Variants in INF2 observed in about 807,000 individuals in gnomAD.
INF2 encodes inverted formin 2.
Under a neutral mutation model 123.5 loss-of-function variants are expected in INF2, and 43 were observed. That is an observed-to-expected ratio of 0.35 (90% confidence interval 0.27 to 0.45). The LOEUF is 0.45. Among genes scored for constraint, INF2 ranks in the 20% least tolerant of loss-of-function variants. The pLI is 1.00. For missense variants in INF2, 1,453 were observed against 1,682.7 expected (o/e 0.86, Z 2.39); for synonymous variants, 851 against 745.0 (o/e 1.14, Z -2.32).
At chr14:104,696,780 G>A (rs1595157582) in intron 1 of INF2, among the ~76,000 whole-genome samples, 1 of 152,124 alleles carries the variant, frequency 6.6e-6, no homozygotes, top group Non-Finnish European at 1.5e-5. Flanking sequence ...TCCTAGTTCC[G>A]GAATCCTCTC....
upstream of INF2, among the ~76,000 whole-genome samples, chr14:104,685,468 T>G (rs4983528): frequency 0.59 from 90,277 of 151,860 alleles, 27,199 homozygotes; most frequent in East Asian, 0.78. Context: ...GCAGGGATGT[T>G]GGAGGAAGGA....
chr14:104,714,923 C>T, intron 21 of INF2, 67 bp downstream of exon 21: 3 of 1,433,960 alleles, frequency 2.1e-6, no homozygotes, highest in African/African-American at 1.4e-5. Context: ...GGTCCCTCCC[C>T]TTCCCCATTG....
upstream of INF2, among the ~76,000 whole-genome samples, chr14:104,686,122 T>G (rs1265698614): frequency 7.2e-6 from 1 of 138,946 alleles, no homozygotes; most frequent in Non-Finnish European, 1.6e-5. Flanking sequence ...GATGAGTGGA[T>G]GATGGGTAGG....
rs73347510 is a variant in INF2, at chr14:104,713,370, C to T, written c.2878+61C>T. On this transcript the variant is annotated intron_variant, in intron 19 of 22. Coordinates refer to ENST00000392634, the MANE Select transcript of INF2 (RefSeq NM_022489.4). Reference sequence around the variant, plus strand: ...TCTGGGATCCTTGTCTGTGCTCCAGCCTCCCCACCACCCCCAGCCCTCTAG... The same window carrying T: ...TCTGGGATCCTTGTCTGTGCTCCAGTCTCCCCACCACCCCCAGCCCTCTAG... 9.5e-3 allele frequency: 14,824 copies of T among 1,563,392 alleles called. 287 individuals are homozygous for T. The highest frequency in any genetic ancestry group is 0.076 in the African/African-American group (5,632 of 73,810).
chr14:104,682,648 G>A (rs1888553026), intron 1 of INF2, among the ~76,000 whole-genome samples: 1 of 152,188 alleles, frequency 6.6e-6, no homozygotes, highest in South Asian at 2.1e-4. Flanking sequence ...TCCCATCCAG[G>A]TGGGAAGAAA....
At chr14:104,697,645 G>C (rs1889252277) in intron 1 of INF2, among the ~76,000 whole-genome samples, 1 of 152,222 alleles carries the variant, frequency 6.6e-6, no homozygotes, top group Non-Finnish European at 1.5e-5. Context: ...GGAGGTGCTG[G>C]CATCACCACA....
chr14:104,689,353 G>A (rs920274643), upstream of INF2: 7 of 745,394 alleles, frequency 9.4e-6, no homozygotes, highest in African/African-American at 1.1e-4. Context: ...GGCGGGAGAC[G>A]GCCCCGATCT....
intron 22 of INF2, chr14:104,717,633 G>A (rs113681463): frequency 1.1e-4 from 17 of 152,342 alleles, no homozygotes; most frequent in African/African-American, 4.1e-4. Context: ...GGGTTTGCCT[G>A]ATTGCGCCCC....
Position 104,707,011 on chromosome 14 carries a change from G to A in INF2, c.945G>A (p.Leu315=), listed in dbSNP as rs1475991845. 1.3e-6 allele frequency: 2 copies of A among 1,593,270 alleles called. No individual in the cohort carries two copies. The highest frequency in any genetic ancestry group is 2.7e-5 in the African/African-American group (2 of 74,870). The change falls in exon 7 of 23, where the codon CTG becomes CTA. Residue 315 remains leucine, a synonymous_variant. Coordinates refer to ENST00000392634, the MANE Select transcript of INF2 (RefSeq NM_022489.4). ...LRSSQLLWEA[L]ESLVNRAVLL... is the part of the protein sequence containing the mutation. ...CCAGCCAGCTGCTCTGGGAGGCCCT[G>A]GAGAGCCTCGTGAACCGGGCCGTGC...
At chr14:104,694,279 CTGTCCCAGGCCCCTGGCACCCTCG>C (rs1889081918) in intron 1 of INF2, among the ~76,000 whole-genome samples, 1 of 152,216 alleles carries the variant, frequency 6.6e-6, no homozygotes, top group Non-Finnish European at 1.5e-5. Flanking sequence ...ATGGGCCTGG[CTGTCCCAGGCCCCTGGCACCCTCG>C]TGTCCCAGCA....
chr14:104,699,924 G>GGC lies in INF2; in HGVS notation c.-9-1433_-9-1432insGC, dbSNP rs529899807. Among the ~76,000 whole-genome samples the GGC allele has an allele frequency of 4.6e-4, 70 of 152,250 alleles. No homozygotes were observed. The highest frequency in any genetic ancestry group is 6.2e-4 in the Non-Finnish European group (42 of 67,988). The stretch of plus-strand genomic sequence containing the variant: ...GGAAGGAGCCCACTGGCCCCCTGGG[G>GGC]CAGTTGGACAGGTGGAGGGCTGAGG... On this transcript the variant is annotated intron_variant, in intron 1 of 22. Coordinates refer to ENST00000392634, the MANE Select transcript of INF2 (RefSeq NM_022489.4). The surrounding 1 kb of genome is among the most constrained non-coding windows in gnomAD (Gnocchi z 4.7).
chr14:104,695,505 T>C (rs1362304189), intron 1 of INF2, among the ~76,000 whole-genome samples: 1 of 145,640 alleles, frequency 6.9e-6, no homozygotes, highest in Non-Finnish European at 1.5e-5. Context: ...TCAGTGCAGG[T>C]GGAAGCGAGA....
At chr14:104,694,342 C>T (rs1006994407) in intron 1 of INF2, among the ~76,000 whole-genome samples, 1 of 152,226 alleles carries the variant, frequency 6.6e-6, no homozygotes, top group South Asian at 2.1e-4. Context: ...GTTGCACCCA[C>T]GCTGAGGATC....
Position 104,706,967 on chromosome 14 carries a change from C to T in INF2, c.901C>T (p.Leu301=), listed in dbSNP as rs1370524553. 6.2e-7 allele frequency: 1 copy of T among 1,601,540 alleles called. No individual in the cohort carries two copies. Among genetic ancestry groups the T allele is most frequent in the South Asian group, 1.1e-5 (1 of 90,814 alleles). Residue 301 remains leucine, a synonymous_variant, in exon 7 of 23, where the codon CTG becomes TTG. Transcript: ENST00000392634. ...LLSVLQGLLH[L]EPTLRSSQLL... ...GTCGGTGCTGCAGGGCCTCCTGCAC[C>T]TGGAGCCCACCCTCCGCTCCAGCCA...
chr14:104,714,148 T>C, intron 20 of INF2, 55 bp from the exon 21 acceptor site: 5 of 1,424,516 alleles, frequency 3.5e-6, no homozygotes, highest in Non-Finnish European at 4.6e-6. Context: ...AGGCTGCACC[T>C]GGGCTGGCTC....
At position 104,707,469 on chromosome 14, in the gene INF2, A is replaced by G. The variant is rs1394824888; in HGVS notation, c.1202A>G (p.Gln401Arg). Reference sequence around the variant, plus strand: ...GCCTGCGAGCCCGTGGACCACGCCCAGAGTGAGAGCATCCTGAAAGTTTCG... The same window carrying G: ...GCCTGCGAGCCCGTGGACCACGCCCGGAGTGAGAGCATCCTGAAAGTTTCG... ...AAACEPVDHA[Q>R]SESILKVSQP... The change falls in exon 8 of 23, where the codon CAG becomes CGG. Residue 401 changes from glutamine (Q) to arginine (R), a missense_variant. Transcript: ENST00000392634. The G allele has an allele frequency of 7.1e-6, 11 of 1,553,708 alleles. No homozygotes were observed. The highest frequency in any genetic ancestry group is 1.2e-5 in the South Asian group (1 of 84,352).
rs979602291 is a variant in INF2, at chr14:104,684,002, T to C, written c.-104+2420T>C. On this transcript the variant is annotated intron_variant, in intron 1 of 2. Transcript: ENST00000674723. This position sits in a 1 kb window ranked among gnomAD's most constrained non-coding sequence, Gnocchi z 5.0. ...TCCAGGGAGCCCATCTGGTGCTCCC[T>C]CCAGCTCCTCAAATTCCCAACACCA... 2 of 455,542 alleles carry C rather than the reference T, an allele frequency of 4.4e-6. No homozygotes were observed. Among genetic ancestry groups the C allele is most frequent in the Non-Finnish European group, 8.8e-6 (2 of 226,536 alleles). 28.2% of individuals were successfully genotyped at this position (455,542 alleles called of 1,614,324 possible). A position where few individuals can be genotyped will look rare whatever the true frequency, so the allele number is the denominator to read the frequency against.
At position 104,684,327 on chromosome 14, in the gene INF2, C is replaced by T. The variant is rs1387342647; in HGVS notation, c.-104+2745C>T. The T allele has an allele frequency of 2.2e-5, 7 of 324,560 alleles. No homozygotes were observed. The highest frequency in any genetic ancestry group is 9.9e-5 in the South Asian group (4 of 40,572). 20.1% of individuals were successfully genotyped at this position (324,560 alleles called of 1,614,324 possible). On this transcript the variant is annotated intron_variant, in intron 1 of 2. Coordinates refer to the INF2 transcript ENST00000674723. This position sits in a 1 kb window ranked among gnomAD's most constrained non-coding sequence, Gnocchi z 5.0. Reference sequence around the variant, plus strand: ...GGCTTAGCCTGCTCAGTGAGGTGCCCGAAGGAGGCCCACCAGCTCTGCCAG... The same window carrying T: ...GGCTTAGCCTGCTCAGTGAGGTGCCTGAAGGAGGCCCACCAGCTCTGCCAG...
chr14:104,706,372 C>A (rs1331160851), intron 6 of INF2, among the ~76,000 whole-genome samples, 196 bp downstream of exon 6: 2 of 152,084 alleles, frequency 1.3e-5, no homozygotes, highest in African/African-American at 4.8e-5. Context: ...GCGCCTAGAG[C>A]GGGCAGCCTG....
Sources: allele counts gnomAD v4.1 joint callset (sites outside exome capture counted in the v4.1 genomes callset), GRCh38; gene constraint gnomAD v4.1.1; non-coding constraint Gnocchi (gnomAD v3.1); transcripts MANE v1.5; gene names NCBI Gene and HGNC (gene_info 2026-07-23, HGNC 2026-07-21).